The following NELL2 variants were observed in gnomAD, a reference collection of about 807,000 sequenced individuals.
NELL2 encodes the protein neural EGFL like 2.
In NELL2, 41 loss-of-function variants were observed where a neutral mutation model predicts 109.6. The observed-to-expected ratio is 0.37, with a 90% CI of 0.29 to 0.49. The LOEUF (loss-of-function observed/expected upper bound fraction) is 0.49. Among genes scored for constraint, NELL2 ranks in the 20% least tolerant of loss-of-function variants. The pLI, the probability that NELL2 is intolerant of heterozygous loss-of-function variation, is 0.98. For synonymous variants in NELL2, 355 were observed against 344.7 expected, an observed-to-expected ratio of 1.03 and a Z score of -0.33; for missense variants, 900 against 1,008.3, an observed-to-expected ratio of 0.89 and a Z score of 1.45.
intron 13 of NELL2, among the ~76,000 whole-genome samples, chr12:44,615,090 T>C (rs959283589): frequency 6.6e-6 from 1 of 152,072 alleles, no homozygotes; most frequent in African/African-American, 2.4e-5. Flanking sequence ...AAAGCTTTAG[T>C]AAATGGATTC....
intron 12 of NELL2, among the ~76,000 whole-genome samples, chr12:44,698,877 C>A (rs17652715): frequency 0.062 from 9,494 of 152,230 alleles, 396 homozygotes; most frequent in Non-Finnish European, 0.09. Context: ...TCACAAAAAA[C>A]TTCTTCATTG....
chr12:44,588,413 T>G (rs1459873624), intron 15 of NELL2, among the ~76,000 whole-genome samples: 2 of 152,130 alleles, frequency 1.3e-5, no homozygotes, highest in African/African-American at 4.8e-5. Flanking sequence ...GAAACCTCTC[T>G]CTCATGATCA....
chr12:44,625,968 G>GAAAA (rs113259665), intron 13 of NELL2, among the ~76,000 whole-genome samples: 341 of 150,146 alleles, frequency 2.3e-3, no homozygotes, highest in Non-Finnish European at 1.3e-3. Flanking sequence ...AAGGTAATTG[G>GAAAA]AAAAAAAAAT....
chr12:44,675,788 G>C (rs1285258487), intron 12 of NELL2, among the ~76,000 whole-genome samples: 1 of 152,078 alleles, frequency 6.6e-6, no homozygotes, highest in Non-Finnish European at 1.5e-5. Context: ...AATCAGATCT[G>C]TGTTTTTGGA....
intron 9 of NELL2, among the ~76,000 whole-genome samples, chr12:44,748,924 A>G (rs1940518352): frequency 6.6e-6 from 1 of 152,188 alleles, no homozygotes; most frequent in Admixed American, 6.6e-5. Context: ...GAATTGCATT[A>G]TAGTGAATTT....
intron 13 of NELL2, among the ~76,000 whole-genome samples, chr12:44,628,354 C>T (rs1240399246): frequency 3.3e-5 from 5 of 152,112 alleles, no homozygotes; most frequent in African/African-American, 9.7e-5. Context: ...GCATGCCCAC[C>T]CACATGGTCG....
At chr12:44,598,885 T>A (rs10785512) in intron 15 of NELL2, among the ~76,000 whole-genome samples, 57,309 of 115,364 alleles carry the variant, frequency 0.5, 12,844 homozygotes, top group African/African-American at 0.64. Context: ...ACACACACAC[T>A]CTCTCTCTCT....
intron 7 of NELL2, 45 bp downstream of exon 7, chr12:44,776,997 C>G (rs1247225810): frequency 6.5e-7 from 1 of 1,535,544 alleles, no homozygotes. Flanking sequence ...TTGGGAACAT[C>G]AAGGATTTTT....
At chr12:44,546,199 G>A (rs1480055298) in intron 15 of NELL2, among the ~76,000 whole-genome samples, 1 of 152,134 alleles carries the variant, frequency 6.6e-6, no homozygotes, top group East Asian at 1.9e-4. Flanking sequence ...TGCTTTGAGT[G>A]AAACTGGCTC....
intron 3 of NELL2, among the ~76,000 whole-genome samples, chr12:44,793,696 C>T (rs114414948): frequency 6.6e-6 from 1 of 152,090 alleles, no homozygotes; most frequent in Non-Finnish European, 1.5e-5. Flanking sequence ...CCATCAAAAA[C>T]TTGTGAAGAG....
intron 15 of NELL2, among the ~76,000 whole-genome samples, chr12:44,563,098 G>A (rs1943529177): frequency 6.6e-6 from 1 of 151,680 alleles, no homozygotes; most frequent in Admixed American, 6.6e-5. Flanking sequence ...TTCTCACTCA[G>A]TGGGAGTTGA....
chr12:44,867,756 C>T (rs1207715683), intron 2 of NELL2, among the ~76,000 whole-genome samples: 1 of 152,064 alleles, frequency 6.6e-6, no homozygotes, highest in Non-Finnish European at 1.5e-5. Context: ...ATTGTCAGAA[C>T]TAATAAATGA....
intron 9 of NELL2, among the ~76,000 whole-genome samples, chr12:44,733,239 A>G (rs1939462200): frequency 6.6e-6 from 1 of 151,964 alleles, no homozygotes; most frequent in African/African-American, 2.4e-5. Context: ...AAGAATCTCA[A>G]AGAGATTTTT....
At chr12:44,798,452 AT>A (rs1049409888) in intron 3 of NELL2, among the ~76,000 whole-genome samples, 1 of 152,122 alleles carries the variant, frequency 6.6e-6, no homozygotes, top group African/African-American at 2.4e-5. Context: ...TTAAAATGAC[AT>A]CAAAATATCA....
intron 19 of NELL2, among the ~76,000 whole-genome samples, chr12:44,510,056 C>G (rs1314165445): frequency 6.6e-6 from 1 of 152,052 alleles, no homozygotes; most frequent in African/African-American, 2.4e-5. Flanking sequence ...TATAAGGTAT[C>G]AAAACAATAT....
intron 15 of NELL2, among the ~76,000 whole-genome samples, chr12:44,595,254 T>C (rs1044421628): frequency 5.9e-5 from 9 of 152,214 alleles, no homozygotes; most frequent in Admixed American, 5.9e-4. Context: ...TCAAGGTTTA[T>C]TTTAAGGCTG....
chr12:44,894,916 AAAGACC>A (rs1224710013), intron 1 of NELL2, among the ~76,000 whole-genome samples: 2 of 152,366 alleles, frequency 1.3e-5, no homozygotes, highest in South Asian at 2.1e-4. Context: ...TATCTTGTAG[AAAGACC>A]AAGAGTTTCT....
chr12:44,541,199 C>T (rs11182533), intron 15 of NELL2, among the ~76,000 whole-genome samples: 7 of 131,786 alleles, frequency 5.3e-5, no homozygotes, highest in Admixed American at 1.9e-4. Flanking sequence ...TGCAGTGAGC[C>T]GAGATCACGC....
intron 12 of NELL2, among the ~76,000 whole-genome samples, chr12:44,666,691 G>A (rs1239083961): frequency 2.0e-5 from 3 of 152,178 alleles, no homozygotes; most frequent in Non-Finnish European, 4.4e-5. Context: ...TTATTTTATA[G>A]AGGGACAAAA....
Sources: gnomAD v4.1 joint callset for allele counts (sites outside exome capture counted in the v4.1 genomes callset) on GRCh38, gnomAD v4.1.1 for gene constraint, MANE v1.5 for transcripts, NCBI Gene and HGNC (gene_info 2026-07-23, HGNC 2026-07-21) for gene names.